HCN4: variants seen among roughly 807,000 people sequenced by gnomAD.
HCN4 encodes the protein hyperpolarization activated cyclic nucleotide gated potassium channel 4.
Under a neutral mutation model 76.9 loss-of-function variants are expected in HCN4, and 29 were observed. The observed-to-expected ratio is 0.38, with a 90% CI of 0.28 to 0.51. The LOEUF (loss-of-function observed/expected upper bound fraction) is 0.51. HCN4 is among the 20% of genes least tolerant of loss of function. HCN4 has a pLI of 0.90. For synonymous variants in HCN4, 772 were observed against 762.5 expected (o/e 1.01, Z -0.21); for missense variants, 1,416 against 1,715.2 (o/e 0.83, Z 3.08).
chr15:73,330,828 C>T lies in HCN4; in HGVS notation c.1372-1037G>A, dbSNP rs549043096. 7.2e-5 allele frequency among the ~76,000 whole-genome samples: 11 copies of T among 152,274 alleles called. No homozygotes were observed. The South Asian group carries it at 2.3e-3, about 32-fold the overall frequency. ...TAGACTGGAGTGGGGACCAGGAGGG[C>T]TCATCCCCAGGGGTGGAAGAGACCT... On this transcript the variant is annotated intron_variant, in intron 3 of 7. Transcript: ENST00000261917.
At chr15:73,324,375 G>T (rs1567770380) in intron 6 of HCN4, 122 bp from the exon 7 acceptor site, 3 of 1,088,014 alleles carry the variant, frequency 2.8e-6, no homozygotes, top group Non-Finnish European at 2.7e-6. Flanking sequence ...ACAAGGCCCT[G>T]CCCCCAGACT....
intron 1 of HCN4, among the ~76,000 whole-genome samples, chr15:73,365,266 C>T (rs78724509): frequency 1.3e-5 from 2 of 152,300 alleles, no homozygotes; most frequent in African/African-American, 4.8e-5. Context: ...GGCCACCGCT[C>T]CTCCAGACAC....
Position 73,368,126 on chromosome 15 carries a change from G to C in HCN4, c.145C>G (p.Arg49Gly), listed in dbSNP as rs1477109893. 3.3e-6 allele frequency: 5 copies of C among 1,511,934 alleles called. No individual in the cohort carries two copies. The highest frequency in any genetic ancestry group is 2.1e-5 in the Admixed American group (1 of 48,506). The allele number at this position is 1,511,934 out of a possible 1,614,324, so 93.7% of individuals were successfully genotyped here. ...GAGGGCGAGGGCAGTGGCCGCAGCC[G>C]GATGCTCCTGCGGCTGGGGTCTTGG... ...GRQDPSRRSI[R>G]LRPLPSPSPS... The change falls in exon 1 of 8, where the codon CGG becomes GGG. Residue 49 changes from arginine (R) to glycine (G), a missense_variant. Arg to Gly is a moderately radical substitution (Grantham distance 125, BLOSUM62 -2). This residue lies in a region of HCN4 where 355 missense variants were observed against 347.8 expected (regional missense o/e 1.02). Transcript: ENST00000261917. The surrounding 1 kb of genome is among the most constrained non-coding windows in gnomAD (Gnocchi z 6.9).
rs2151216991 is a variant in HCN4 at position 73,329,630 on chromosome 15, G to T, written c.1533C>A (p.Gly511=). ...VGATCYAMFI[G]HATALIQSLD... Reference sequence around the variant, plus strand: ...GGGACTGGATGAGGGCAGTGGCGTGGCCAATGAACATGGCGTAGCAGGTGG... The same window carrying T: ...GGGACTGGATGAGGGCAGTGGCGTGTCCAATGAACATGGCGTAGCAGGTGG... The change falls in exon 4 of 8, where the codon GGC becomes GGA. Residue 511 remains glycine, a synonymous_variant. Coordinates refer to ENST00000261917, the MANE Select transcript of HCN4 (RefSeq NM_005477.3). 2 of 1,614,184 alleles carry T rather than the reference G, an allele frequency of 1.2e-6. No homozygotes were observed. The highest frequency in any genetic ancestry group is 3.3e-5 in the Admixed American group (2 of 60,032).
Position 73,322,956 on chromosome 15 carries a change from G to C in HCN4, c.3137C>G (p.Ser1046Cys). 7.0e-7 allele frequency: 1 copy of C among 1,424,350 alleles called. No homozygotes were observed. The highest frequency in any genetic ancestry group is 9.2e-7 in the Non-Finnish European group (1 of 1,082,542). The allele number at this position is 1,424,350 out of a possible 1,614,324, so 88.2% of individuals were successfully genotyped here. Residue 1046 changes from serine to cysteine, a missense_variant, in exon 8 of 8, where the codon TCT (serine) becomes TGT (cysteine). By Grantham distance (112) the Ser-to-Cys change is moderately radical. This residue lies in a region of HCN4 where 633 missense variants were observed against 579.8 expected (regional missense o/e 1.09). Transcript: ENST00000261917. ...CAGGAGCAAGGATCCGTGGGAGCCA[G>C]AGGCCCGGGGCGGGGCACTCGGGAA... ...RTFPSAPPRA[S>C]GSHGSLLLPP...
In HCN4 at chr15:73,368,223, C is replaced by T. The variant is rs376849038; in HGVS notation, c.48G>A (p.Pro16=). 6.5e-7 allele frequency: 1 copy of T among 1,527,124 alleles called. No individual in the cohort carries two copies. Among genetic ancestry groups the T allele is most frequent in the Non-Finnish European group, 8.8e-7 (1 of 1,139,288 alleles). The allele number at this position is 1,527,124 out of a possible 1,614,324, so 94.6% of individuals were successfully genotyped here. Residue 16 remains proline (P), a synonymous_variant, in exon 1 of 8, where the codon CCG becomes CCA. Transcript: ENST00000261917. This position sits in a 1 kb window ranked among gnomAD's most constrained non-coding sequence, Gnocchi z 6.9. Reference sequence around the variant, plus strand: ...TCCACGCCTTGGCCCCCACCTGCTGCGGGAGGCTGTAGAGCCGCTTGCGCA... The same window carrying T: ...TCCACGCCTTGGCCCCCACCTGCTGTGGGAGGCTGTAGAGCCGCTTGCGCA... ...PSMRKRLYSL[P]QQVGAKAWIM...
In HCN4 at chr15:73,323,297, G is replaced by C. The variant is rs765986414; in HGVS notation, c.2796C>G (p.Gly932=). 3 of 1,542,332 alleles carry C rather than the reference G, an allele frequency of 1.9e-6. No homozygotes were observed. Among genetic ancestry groups the C allele is most frequent in the African/African-American group, 2.7e-5 (2 of 73,738 alleles). Residue 932 remains glycine (G), a synonymous_variant, in exon 8 of 8, where the codon GGC becomes GGG. Coordinates refer to ENST00000261917, the MANE Select transcript of HCN4 (RefSeq NM_005477.3). ...DSPLLTPLQP[G]ARSPQAAQPS... is the part of the protein sequence containing the mutation. ...GCTGGGCAGCCTGCGGGGAGCGGGC[G>C]CCTGGCTGCAGCGGGGTGAGCAGGG...
intron 3 of HCN4, among the ~76,000 whole-genome samples, chr15:73,331,163 T>G (rs150038755): frequency 0.01 from 1,533 of 152,252 alleles, 10 homozygotes; most frequent in South Asian, 0.024. Context: ...GTGTCTTCTG[T>G]CCTGCCTGGA....
chr15:73,360,890 G>A (rs1228860126), intron 1 of HCN4, among the ~76,000 whole-genome samples: 2 of 152,168 alleles, frequency 1.3e-5, no homozygotes, highest in East Asian at 3.9e-4. Flanking sequence ...GACGTGGCTG[G>A]GTGTAAGACA....
chr15:73,323,988 G>A (rs748984410), intron 7 of HCN4, 39 bp from the exon 8 acceptor site: 20 of 1,610,178 alleles, frequency 1.2e-5, no homozygotes, highest in Middle Eastern at 3.3e-4. Context: ...AGGGCAGAGC[G>A]GGGAAGGAGA....
At chr15:73,359,500 A>T (rs2043095773) in intron 1 of HCN4, among the ~76,000 whole-genome samples, 2 of 152,066 alleles carry the variant, frequency 1.3e-5, no homozygotes, top group Non-Finnish European at 2.9e-5. Flanking sequence ...GAACTTAGGG[A>T]GAGCTTCCTA....
intron 3 of HCN4, among the ~76,000 whole-genome samples, chr15:73,330,456 G>A (rs138520853): frequency 2.6e-5 from 4 of 152,284 alleles, no homozygotes; most frequent in East Asian, 1.9e-4. Flanking sequence ...AAAGCCAGTC[G>A]GTGTCTCAAG....
chr15:73,322,993 G>A lies in HCN4; in HGVS notation c.3100C>T (p.Pro1034Ser), dbSNP rs1158677290. The part of the protein sequence containing the change: ...GLSPPGHSPG[P>S]PRTFPSAPPR... ...GGGGCACTCGGGAAGGTTCTTGGGG[G>A]GCCTGGGCTGTGGCCAGGGGGGCTG... is the stretch of plus-strand genomic sequence containing the variant. The change falls in exon 8 of 8, where the codon CCC becomes TCC. Residue 1034 changes from proline to serine, a missense_variant. Around this residue, in one of 6 missense-constraint regions of HCN4, gnomAD observed 633 missense variants for 579.8 expected, o/e 1.09. Transcript: ENST00000261917. 2.5e-5 allele frequency: 37 copies of A among 1,454,496 alleles called. No individual in the cohort carries two copies. The highest frequency in any genetic ancestry group is 3.4e-5 in the Non-Finnish European group (37 of 1,103,948). 90.1% of individuals were successfully genotyped at this position (1,454,496 alleles called of 1,614,324 possible).
chr15:73,354,324 A>G (rs1194678887), intron 1 of HCN4, among the ~76,000 whole-genome samples: 2 of 152,198 alleles, frequency 1.3e-5, no homozygotes, highest in Non-Finnish European at 2.9e-5. Flanking sequence ...CCTCTCCCCA[A>G]GAAGGTGAGC....
intron 2 of HCN4, among the ~76,000 whole-genome samples, chr15:73,336,787 C>T (rs998434937): frequency 2.6e-5 from 4 of 152,122 alleles, no homozygotes; most frequent in Non-Finnish European, 2.9e-5. Flanking sequence ...TGAGGCTCCC[C>T]GCCCCTCCAA....
rs1405384860 is a variant in HCN4 at position 73,343,023 on chromosome 15, T to C, written c.1209+362A>G. On this transcript the variant is annotated intron_variant, in intron 2 of 7. Transcript: ENST00000261917. The surrounding 1 kb of genome is among the most constrained non-coding windows in gnomAD (Gnocchi z 5.7). ...CAAACCCTACAACATAACGCAGTGG[T>C]TAATAATGTGGGCTCTAGAGGTGAT... Among the ~76,000 whole-genome samples the C allele has an allele frequency of 6.6e-6, 1 of 152,196 alleles. No homozygotes were observed. The highest frequency in any genetic ancestry group is 1.5e-5 in the Non-Finnish European group (1 of 68,042).
chr15:73,341,061 G>A lies in HCN4; in HGVS notation c.1209+2324C>T, dbSNP rs1419639447. Reference sequence around the variant, plus strand: ...TGTTACTAAGACAACTTGGTGGGGAGGGAGGTAGGTGTGTGTGTGTGTGTG... The same window carrying A: ...TGTTACTAAGACAACTTGGTGGGGAAGGAGGTAGGTGTGTGTGTGTGTGTG... On this transcript the variant is annotated intron_variant, in intron 2 of 7. Coordinates refer to ENST00000261917, the MANE Select transcript of HCN4 (RefSeq NM_005477.3). 2.4e-5 allele frequency: 3 copies of A among 126,130 alleles called. No individual in the cohort carries two copies. In the Admixed American group the frequency reaches 2.6e-4, roughly 11 times the overall value. The allele number at this position is 126,130 out of a possible 1,614,324, so 7.8% of individuals were successfully genotyped here. A position where few individuals can be genotyped will look rare whatever the true frequency, so the allele number is the denominator to read the frequency against.
At position 73,325,817 on chromosome 15, in the gene HCN4, G is replaced by A. The variant is rs779432067; in HGVS notation, c.1591-373C>T. ...ACACTGGGGACAGGGAGGCCTCACCGACTCTGCGGGGAAAGAAGCTGTTTC... is the reference window on the plus strand; with the variant it reads ...ACACTGGGGACAGGGAGGCCTCACCAACTCTGCGGGGAAAGAAGCTGTTTC... On this transcript the variant is annotated intron_variant, in intron 4 of 7. Transcript: ENST00000261917. The surrounding 1 kb of genome is among the most constrained non-coding windows in gnomAD (Gnocchi z 7.4). 3.9e-5 allele frequency among the ~76,000 whole-genome samples: 6 copies of A among 152,170 alleles called. No homozygotes were observed. The highest frequency in any genetic ancestry group is 7.2e-5 in the African/African-American group (3 of 41,428).
At chr15:73,326,305 G>A (rs2042898947) in intron 4 of HCN4, among the ~76,000 whole-genome samples, 1 of 152,188 alleles carries the variant, frequency 6.6e-6, no homozygotes, top group South Asian at 2.1e-4. Context: ...GCATCTATGT[G>A]TGCTCCAAAG....
Sources: allele counts gnomAD v4.1 joint callset (sites outside exome capture counted in the v4.1 genomes callset), GRCh38; gene constraint gnomAD v4.1.1; regional missense constraint gnomAD v4.1.1; non-coding constraint Gnocchi (gnomAD v3.1); transcripts MANE v1.5; gene names NCBI Gene and HGNC (gene_info 2026-07-23, HGNC 2026-07-21).